ADGRV1: variants seen among roughly 807,000 people sequenced by gnomAD.
ADGRV1 encodes G-protein coupled receptor 98.
A neutral mutation model predicts 596.2 loss-of-function variants in ADGRV1; 359 were observed. That is an observed-to-expected ratio of 0.60 (90% confidence interval 0.55 to 0.66). The LOEUF (loss-of-function observed/expected upper bound fraction) is 0.66. ADGRV1 is among the 30% of genes least tolerant of loss of function. The probability of loss-of-function intolerance (pLI) is 0.00; values close to 1 mark genes in which losing one functional copy is unlikely to be tolerated. For missense variants in ADGRV1, 7,274 were observed against 7,575.6 expected (o/e 0.96, Z 1.48); for synonymous variants, 2,681 against 2,679.2 (o/e 1.00, Z -0.02).
Position 90,823,587 on chromosome 5 carries a change from A to G in ADGRV1, c.16359A>G (p.Lys5453=), listed in dbSNP as rs759734411. Reference sequence around the variant, plus strand: ...AATGCTTTATCAGCATTGAACTCAAACCAGAAAAGGTAAGAAATGAAGAGA... The same window carrying G: ...AATGCTTTATCAGCATTGAACTCAAGCCAGAAAAGGTAAGAAATGAAGAGA... ...QTKCFISIEL[K]PEKVPQVEVY... is the part of the protein sequence containing the mutation. The change falls in exon 76 of 90, where the codon AAA becomes AAG. Residue 5453 remains lysine (K), a synonymous_variant. Coordinates refer to ENST00000405460, the MANE Select transcript of ADGRV1 (RefSeq NM_032119.4). 1 of 1,613,608 alleles carries G rather than the reference A, an allele frequency of 6.2e-7. No homozygotes were observed. The highest frequency in any genetic ancestry group is 1.1e-5 in the South Asian group (1 of 91,016).
intron 87 of ADGRV1, among the ~76,000 whole-genome samples, chr5:91,129,163 A>G (rs1445904344): frequency 6.6e-6 from 1 of 152,236 alleles, no homozygotes; most frequent in Non-Finnish European, 1.5e-5. Context: ...TTTGTAAACA[A>G]ATATGGTTAA....
At chr5:91,138,394 TG>T (rs1794821152) in intron 87 of ADGRV1, among the ~76,000 whole-genome samples, 1 of 152,170 alleles carries the variant, frequency 6.6e-6, no homozygotes, top group Non-Finnish European at 1.5e-5. Flanking sequence ...AATACGAACT[TG>T]GTTTCCTTTT....
chr5:90,889,099 C>G (rs745751871), intron 83 of ADGRV1, among the ~76,000 whole-genome samples: 15 of 152,150 alleles, frequency 9.9e-5, no homozygotes, highest in Admixed American at 4.6e-4. Flanking sequence ...AAAAGAGTTA[C>G]CACACCCAAA....
At chr5:90,760,275 CAAAA>C (rs5869517) in intron 58 of ADGRV1, among the ~76,000 whole-genome samples, 2 of 77,572 alleles carry the variant, frequency 2.6e-5, no homozygotes, top group Non-Finnish European at 5.1e-5. Context: ...GACTTCGTCT[CAAAA>C]AAAAAAAAAA....
chr5:90,914,029 A>T (rs572079926), intron 83 of ADGRV1, among the ~76,000 whole-genome samples: 1 of 152,318 alleles, frequency 6.6e-6, no homozygotes, highest in South Asian at 2.1e-4. Context: ...CATATGAAGT[A>T]GTGAGTGGGG....
chr5:90,612,936 C>A (rs1384859301), intron 1 of ADGRV1, among the ~76,000 whole-genome samples: 1 of 152,014 alleles, frequency 6.6e-6, no homozygotes, highest in Admixed American at 6.6e-5. Flanking sequence ...ATTAATAGGG[C>A]TACTTGTTAA....
Position 90,823,495 on chromosome 5 carries a change from G to T in ADGRV1, c.16267G>T (p.Gly5423Trp). The change falls in exon 76 of 90, where the codon GGG becomes TGG. Residue 5423 changes from glycine to tryptophan, a missense_variant. This residue lies in a region of ADGRV1 where 1,874 missense variants were observed against 1,970.2 expected (regional missense o/e 0.95). Coordinates refer to ENST00000405460, the MANE Select transcript of ADGRV1 (RefSeq NM_032119.4). The part of the protein sequence containing the change: ...NKTVVVLQKD[G>W]VNLVEELQSV... Reference sequence around the variant, plus strand: ...AACAGTCGTCGTGCTCCAGAAGGATGGGGTAAACCTGGTGGAGGAACTTCA... The same window carrying T: ...AACAGTCGTCGTGCTCCAGAAGGATTGGGTAAACCTGGTGGAGGAACTTCA... 1 of 1,613,782 alleles carries T rather than the reference G, an allele frequency of 6.2e-7. No individual in the cohort carries two copies. Among genetic ancestry groups the T allele is most frequent in the South Asian group, 1.1e-5 (1 of 91,058 alleles).
chr5:90,739,803 G>C (rs1753726252), intron 50 of ADGRV1, among the ~76,000 whole-genome samples: 1 of 152,210 alleles, frequency 6.6e-6, no homozygotes, highest in South Asian at 2.1e-4. Flanking sequence ...AGGACTGCAG[G>C]CTATGCTGCA....
At position 90,781,136 on chromosome 5, in the gene ADGRV1, C is replaced by T. The variant is rs137922633; in HGVS notation, c.13083-294C>T. The T allele has an allele frequency of 3.3e-3, 1,322 of 398,358 alleles. 10 individuals carry two copies. Among genetic ancestry groups the T allele is most frequent in the African/African-American group, 0.024 (1,186 of 48,864 alleles). The allele number at this position is 398,358 out of a possible 1,614,324, so 24.7% of individuals were successfully genotyped here. ...TTCCCAAAGGTTCATTTTATGACAG[C>T]ATCTTTCTGATTTCCTCACAGTTTA... On this transcript the variant is annotated intron_variant, in intron 64 of 89. Coordinates refer to ENST00000405460, the MANE Select transcript of ADGRV1 (RefSeq NM_032119.4).
chr5:90,637,879 C>A lies in ADGRV1; in HGVS notation c.2171C>A (p.Thr724Lys), dbSNP rs1335722711. ...TTTTTATCTGGGCAAAGTGACACAA[C>A]AATCAACATTACTATCAAAGGTGAT... ...VLFLSGQSDT[T>K]INITIKGDDI... Residue 724 changes from threonine (T) to lysine (K), a missense_variant, in exon 11 of 90, where the codon ACA becomes AAA. Thr to Lys is a moderately conservative substitution (Grantham distance 78, BLOSUM62 -1). Around this residue, in one of 5 missense-constraint regions of ADGRV1, gnomAD observed 1,715 missense variants for 1,708.8 expected, o/e 1.00. Transcript: ENST00000405460. 6.2e-7 allele frequency: 1 copy of A among 1,613,608 alleles called. No homozygotes were observed. The highest frequency in any genetic ancestry group is 1.1e-5 in the South Asian group (1 of 91,068).
intron 84 of ADGRV1, among the ~76,000 whole-genome samples, chr5:90,979,789 G>A (rs555991545): frequency 9.2e-5 from 14 of 152,226 alleles, no homozygotes; most frequent in Admixed American, 3.9e-4. Flanking sequence ...ACCACAGAAG[G>A]AAATTAAAAC....
At chr5:90,664,110 C>T (rs1057280213) in intron 21 of ADGRV1, among the ~76,000 whole-genome samples, 1 of 147,986 alleles carries the variant, frequency 6.8e-6, no homozygotes, top group Non-Finnish European at 1.5e-5. Context: ...TTTTTTGGTT[C>T]CATATGAACT....
intron 22 of ADGRV1, 33 bp downstream of exon 22, chr5:90,672,755 C>T: frequency 6.7e-7 from 1 of 1,494,918 alleles, no homozygotes; most frequent in Admixed American, 2.0e-5. Context: ...CTTTGAAAGC[C>T]TCCTGGAAAG....
intron 58 of ADGRV1, among the ~76,000 whole-genome samples, chr5:90,761,648 G>T (rs1210128681): frequency 6.6e-6 from 1 of 152,146 alleles, no homozygotes; most frequent in Non-Finnish European, 1.5e-5. Context: ...TTTAAACCTA[G>T]TGTTAAGCAC....
At chr5:91,013,918 G>A (rs4916838) in intron 85 of ADGRV1, among the ~76,000 whole-genome samples, 107,013 of 151,730 alleles carry the variant, frequency 0.71, 38,130 homozygotes, top group African/African-American at 0.82. Flanking sequence ...TCAATCTTCT[G>A]CGTATGGCTA....
intron 1 of ADGRV1, among the ~76,000 whole-genome samples, chr5:90,571,144 G>C (rs1756473414): frequency 6.6e-6 from 1 of 151,990 alleles, no homozygotes; most frequent in Non-Finnish European, 1.5e-5. Flanking sequence ...TGTTATGTGT[G>C]GCCATTGCAG....
intron 85 of ADGRV1, among the ~76,000 whole-genome samples, chr5:91,020,033 A>C (rs1470084545): frequency 6.6e-6 from 1 of 151,984 alleles, no homozygotes; most frequent in Non-Finnish European, 1.5e-5. Flanking sequence ...TGTTTAAGAA[A>C]GTTTTAGAAG....
intron 85 of ADGRV1, among the ~76,000 whole-genome samples, chr5:91,032,271 A>G (rs1208036351): frequency 1.3e-5 from 2 of 152,342 alleles, no homozygotes; most frequent in East Asian, 1.9e-4. Flanking sequence ...GTCAGAATAG[A>G]TAAGGATAGT....
At chr5:91,086,917 C>G (rs1438265687) in intron 86 of ADGRV1, among the ~76,000 whole-genome samples, 1 of 152,188 alleles carries the variant, frequency 6.6e-6, no homozygotes, top group Non-Finnish European at 1.5e-5. Flanking sequence ...ATTGTTTAAC[C>G]TGGCCCTCAA....
Sources: gnomAD v4.1 joint callset for allele counts (sites outside exome capture counted in the v4.1 genomes callset) on GRCh38, gnomAD v4.1.1 for gene constraint, gnomAD v4.1.1 regional missense constraint, MANE v1.5 for transcripts, NCBI Gene and HGNC (gene_info 2026-07-23, HGNC 2026-07-21) for gene names.